USP47: variants seen among roughly 807,000 people sequenced by gnomAD.
USP47 encodes the protein ubiquitin specific peptidase 47.
In USP47, 35 loss-of-function variants were observed where a neutral mutation model predicts 165.1. The observed-to-expected ratio is 0.21, with a 90% CI of 0.16 to 0.28. The LOEUF (loss-of-function observed/expected upper bound fraction) is 0.28, where lower values mean the gene tolerates loss of function less well. Ranked by LOEUF, USP47 falls within the 10% of genes least tolerant of loss-of-function variation. USP47 has a pLI of 1.00. For synonymous variants in USP47, 531 were observed against 544.5 expected, an observed-to-expected ratio of 0.98 and a Z score of 0.35; for missense variants, 1,277 against 1,607.4, an observed-to-expected ratio of 0.79 and a Z score of 3.52.
rs1235779634 is a variant in USP47 at position 11,930,048 on chromosome 11, C to T, written c.1523C>T (p.Thr508Ile). ...SFNDQHVSRITQEDIKKTHGG... is the reference protein window; with the variant it reads ...SFNDQHVSRIIQEDIKKTHGG... ...AATCATGTAACACATTTTCAGATAA[C>T]ACAAGAGGACATTAAGAAAACACAT... The change falls in exon 13 of 28, where the codon ACA becomes ATA. Residue 508 changes from threonine to isoleucine, a missense_variant. Coordinates refer to ENST00000527733, the MANE Select transcript of USP47 (RefSeq NM_001282659.2). 2 of 1,612,928 alleles carry T rather than the reference C, an allele frequency of 1.2e-6. No individual in the cohort carries two copies. Among genetic ancestry groups the T allele is most frequent in the Admixed American group, 1.7e-5 (1 of 59,976 alleles).
intron 2 of USP47, among the ~76,000 whole-genome samples, chr11:11,882,790 G>A (rs1821026345): frequency 6.6e-6 from 1 of 152,044 alleles, no homozygotes; most frequent in Non-Finnish European, 1.5e-5. Context: ...TCCAATGTCA[G>A]CATTTTCATT....
Position 11,958,742 on chromosome 11 carries a change from G to C in USP47, c.*2567G>C, listed in dbSNP as rs1847325501. The C allele has an allele frequency of 6.6e-6, 1 of 152,282 alleles. No homozygotes were observed. Among genetic ancestry groups the C allele is most frequent in the South Asian group, 2.1e-4 (1 of 4,830 alleles). The allele number at this position is 152,282 out of a possible 1,614,324, so 9.4% of individuals were successfully genotyped here. The stretch of plus-strand genomic sequence containing the variant: ...AGGTGAGGGGTGCATTCTGGCCAAA[G>C]AAACAAAAGCTGTGGTTTCAGGACC... On this transcript the variant is annotated 3_prime_UTR_variant, in exon 28 of 28. Coordinates refer to ENST00000527733, the MANE Select transcript of USP47 (RefSeq NM_001282659.2).
chr11:11,953,442 A>T (rs1856352412), intron 25 of USP47, among the ~76,000 whole-genome samples: 1 of 152,118 alleles, frequency 6.6e-6, no homozygotes, highest in East Asian at 1.9e-4. Context: ...AATATGTAAA[A>T]TATTAAATAC....
At chr11:11,873,933 A>C in intron 1 of USP47, 2 of 832,316 alleles carry the variant, frequency 2.4e-6, no homozygotes, top group Non-Finnish European at 3.4e-6. Context: ...TTTTTATTTA[A>C]TATCAAGGCA....
rs185248601 is a variant in USP47, at chr11:11,873,384, G to A, written c.40-6793G>A. On this transcript the variant is annotated intron_variant, in intron 1 of 27. Coordinates refer to ENST00000527733, the MANE Select transcript of USP47 (RefSeq NM_001282659.2). ...AGATATATATTAAAATAGTTGTGAG[G>A]GATATTGTTAAGCAGCCTTGTTTTA... Among the ~76,000 whole-genome samples, 8 of 152,016 alleles carry A rather than the reference G, an allele frequency of 5.3e-5. No individual in the cohort carries two copies. In the East Asian group the frequency reaches 1.5e-3, roughly 29 times the overall value.
chr11:11,925,728 C>A (rs1157596716), intron 11 of USP47, among the ~76,000 whole-genome samples: 1 of 150,868 alleles, frequency 6.6e-6, no homozygotes, highest in African/African-American at 2.4e-5. Flanking sequence ...ATTTGGATAT[C>A]TTTTATTTCT....
At chr11:11,895,871 C>A (rs1229351005) in intron 4 of USP47, among the ~76,000 whole-genome samples, 4 of 151,984 alleles carry the variant, frequency 2.6e-5, no homozygotes, top group African/African-American at 9.7e-5. Context: ...TTGCATGTGC[C>A]CTCTACTGGA....
intron 2 of USP47, among the ~76,000 whole-genome samples, chr11:11,883,317 T>G (rs1850949054): frequency 6.6e-6 from 1 of 152,226 alleles, no homozygotes; most frequent in South Asian, 2.1e-4. Flanking sequence ...TTACTGTGTT[T>G]ATAGTATTCT....
At chr11:11,853,835 C>T (rs1474230524) in intron 1 of USP47, among the ~76,000 whole-genome samples, 1 of 152,058 alleles carries the variant, frequency 6.6e-6, no homozygotes, top group Non-Finnish European at 1.5e-5. Context: ...TCTTAAAATC[C>T]TATCCAACCG....
Position 11,897,719 on chromosome 11 carries a change from A to C in USP47, c.593+26A>C, listed in dbSNP as rs777236037. On this transcript the variant is annotated intron_variant, in intron 5 of 27. Transcript: ENST00000527733. The stretch of plus-strand genomic sequence containing the variant: ...GTGAGTATTCAAAAAAATTGTATAC[A>C]TAAAATTGATTTAAGAATGAAAATA... The C allele has an allele frequency of 1.9e-5, 27 of 1,445,526 alleles. No individual in the cohort carries two copies. The African/African-American group carries it at 3.7e-4, about 20-fold the overall frequency. 89.5% of individuals were successfully genotyped at this position (1,445,526 alleles called of 1,614,324 possible).
rs1478522724 is a variant in USP47, at chr11:11,948,080, G to T, written c.3227G>T (p.Arg1076Leu). ...AGCAATCAAGAGTTTGAGAGCGTCC[G>T]GCTGAATGAGACACTTTCATCATTT... is the stretch of plus-strand genomic sequence containing the variant. ...YASNQEFESV[R>L]LNETLSSFSD... The change falls in exon 21 of 28, where the codon CGG (arginine) becomes CTG (leucine). Residue 1076 changes from arginine (R) to leucine (L), a missense_variant. Physicochemically the swap from Arg to Leu is moderately radical, Grantham distance 102. Around this residue, in one of 4 missense-constraint regions of USP47, gnomAD observed 909 missense variants for 1,068.1 expected, o/e 0.85. Coordinates refer to ENST00000527733, the MANE Select transcript of USP47 (RefSeq NM_001282659.2). 2.5e-6 allele frequency: 4 copies of T among 1,612,488 alleles called. No homozygotes were observed. Among genetic ancestry groups the T allele is most frequent in the Non-Finnish European group, 3.4e-6 (4 of 1,179,530 alleles).
chr11:11,945,934 C>G (rs1352519960), intron 20 of USP47, among the ~76,000 whole-genome samples: 1 of 147,414 alleles, frequency 6.8e-6, no homozygotes, highest in Non-Finnish European at 1.5e-5. Context: ...GACCCTGTCC[C>G]CCCCCCAAAA....
chr11:11,946,813 C>A (rs866496057), intron 20 of USP47, among the ~76,000 whole-genome samples: 4 of 152,266 alleles, frequency 2.6e-5, no homozygotes, highest in South Asian at 4.1e-4. Flanking sequence ...AAGCTCATCA[C>A]CCTCTTCATA....
chr11:11,947,131 A>C (rs1305722896), intron 20 of USP47, among the ~76,000 whole-genome samples: 1 of 152,220 alleles, frequency 6.6e-6, no homozygotes, highest in Non-Finnish European at 1.5e-5. Context: ...TTCTTCTACA[A>C]TATGAAGACC....
chr11:11,945,798 G>T (rs192338819), intron 20 of USP47, among the ~76,000 whole-genome samples: 34 of 151,868 alleles, frequency 2.2e-4, no homozygotes, highest in Middle Eastern at 3.4e-3. Context: ...ATTAGCCAGC[G>T]TGGTCATGTG....
chr11:11,851,844 T>C (rs1848744452), intron 1 of USP47, among the ~76,000 whole-genome samples: 1 of 152,174 alleles, frequency 6.6e-6, no homozygotes, highest in Admixed American at 6.5e-5. Flanking sequence ...GGATGCTCTC[T>C]CATGAATAGA....
chr11:11,909,636 C>T (rs79230730), intron 8 of USP47, among the ~76,000 whole-genome samples: 4,711 of 152,116 alleles, frequency 0.031, 122 homozygotes, highest in Non-Finnish European at 0.046. Flanking sequence ...CTGTTCTAGG[C>T]CATTTTCTTT....
chr11:11,891,879 T>C, intron 3 of USP47, 89 bp from the exon 4 acceptor site: 1 of 1,484,840 alleles, frequency 6.7e-7, no homozygotes, highest in South Asian at 1.4e-5. Context: ...GTATCAGGCA[T>C]CATTCAAACC....
chr11:11,871,248 A>C (rs1004649038), intron 1 of USP47, among the ~76,000 whole-genome samples: 11 of 151,628 alleles, frequency 7.3e-5, no homozygotes, highest in Non-Finnish European at 1.5e-4. Context: ...GCACGCATGT[A>C]ATCTCAGCGC....
Sources: gnomAD v4.1 joint callset for allele counts (sites outside exome capture counted in the v4.1 genomes callset) on GRCh38, gnomAD v4.1.1 for gene constraint, gnomAD v4.1.1 regional missense constraint, MANE v1.5 for transcripts, NCBI Gene and HGNC (gene_info 2026-07-23, HGNC 2026-07-21) for gene names.